CYP51A1: variants seen among roughly 807,000 people sequenced by gnomAD.
The protein encoded by CYP51A1 is lanosterol 14-alpha demethylase.
In CYP51A1, 45 loss-of-function variants were observed where a neutral mutation model predicts 53.5. The ratio of observed to expected loss-of-function variants is 0.84; its 90% CI spans 0.66 to 1.08. CYP51A1 has a LOEUF of 1.08. Ranked by LOEUF, CYP51A1 falls within the 50% of genes least tolerant of loss-of-function variation. The pLI is 0.00. For missense variants in CYP51A1, 462 were observed against 621.7 expected (o/e 0.74, Z 2.73); for synonymous variants, 181 against 217.7 (o/e 0.83, Z 1.48).
chr7:92,113,446 GCAC>G lies in CYP51A1; in HGVS notation c.*216_*218del. On this transcript the variant is annotated 3_prime_UTR_variant, in exon 10 of 10. Coordinates refer to ENST00000003100, the MANE Select transcript of CYP51A1 (RefSeq NM_000786.4). ...TGTTTCACCAAGGAACTTCCTGAAA[GCAC>G]ATGTATAAGTATCATAACTATTAGA... 1 of 448,766 alleles carries G rather than the reference GCAC, an allele frequency of 2.2e-6. No individual in the cohort carries two copies. The highest frequency in any genetic ancestry group is 3.3e-5 in the South Asian group (1 of 29,978). The allele number at this position is 448,766 out of a possible 1,614,324, so 27.8% of individuals were successfully genotyped here. A position where few individuals can be genotyped will look rare whatever the true frequency, so the allele number is the denominator to read the frequency against.
At chr7:92,121,126 C>T (rs1819683550) in intron 7 of CYP51A1, among the ~76,000 whole-genome samples, 1 of 151,934 alleles carries the variant, frequency 6.6e-6, no homozygotes, top group African/African-American at 2.4e-5. Flanking sequence ...CTTGTCTCTA[C>T]CAAAAATACA....
intron 9 of CYP51A1, 86 bp from the exon 10 acceptor site, chr7:92,113,929 G>T: frequency 5.1e-6 from 4 of 785,874 alleles, no homozygotes; most frequent in Non-Finnish European, 8.2e-6. Flanking sequence ...CATTTTAGAT[G>T]AACAGCAAAT....
chr7:92,123,637 G>T (rs1584634257), intron 6 of CYP51A1, 97 bp downstream of exon 6: 1 of 1,174,822 alleles, frequency 8.5e-7, no homozygotes, highest in Non-Finnish European at 1.2e-6. Flanking sequence ...AACTTATTTT[G>T]CCAGCATCAC....
chr7:92,131,363 G>C (rs1394138870), intron 2 of CYP51A1, among the ~76,000 whole-genome samples: 1 of 152,156 alleles, frequency 6.6e-6, no homozygotes. Flanking sequence ...GAGTAGCTAT[G>C]GTGTCATGTG....
Position 92,118,511 on chromosome 7 carries a change from G to C in CYP51A1, c.1182+9C>G, listed in dbSNP as rs755338519. 5 of 1,468,126 alleles carry C rather than the reference G, an allele frequency of 3.4e-6. No individual in the cohort carries two copies. The African/African-American group carries it at 6.9e-5, about 20-fold the overall frequency. 90.9% of individuals were successfully genotyped at this position (1,468,126 alleles called of 1,614,324 possible). A position where few individuals can be genotyped will look rare whatever the true frequency, so the allele number is the denominator to read the frequency against. On this transcript the variant is annotated intron_variant, in intron 8 of 9. Transcript: ENST00000003100. ...GGTATAGAGGGGAAGATGTAGCCAA[G>C]ATACTCACCTGAGGAGTTCTGGCCA...
chr7:92,124,484 T>A (rs1036593354), intron 5 of CYP51A1, among the ~76,000 whole-genome samples: 5 of 152,192 alleles, frequency 3.3e-5, no homozygotes, highest in Non-Finnish European at 7.3e-5. Context: ...GCTAGCTGCA[T>A]AAGATCACAC....
At chr7:92,125,457 T>G (rs1819779914) in intron 5 of CYP51A1, among the ~76,000 whole-genome samples, 1 of 152,178 alleles carries the variant, frequency 6.6e-6, no homozygotes, top group South Asian at 2.1e-4. Context: ...AGCCTACTAA[T>G]ATGCAAAACA....
In CYP51A1 at chr7:92,131,806, G is replaced by T; in HGVS notation, c.259C>A (p.Pro87Thr). 1 of 1,581,434 alleles carries T rather than the reference G, an allele frequency of 6.3e-7. No homozygotes were observed. Among genetic ancestry groups the T allele is most frequent in the Non-Finnish European group, 8.6e-7 (1 of 1,157,994 alleles). The change falls in exon 2 of 10, where the codon CCA becomes ACA. Residue 87 changes from proline (P) to threonine (T), a missense_variant. Pro to Thr is a conservative substitution (Grantham distance 38, BLOSUM62 -1). Coordinates refer to ENST00000003100, the MANE Select transcript of CYP51A1 (RefSeq NM_000786.4). ...LGHAIAFGKS[P>T]IEFLENAYEK... The stretch of plus-strand genomic sequence containing the variant: ...TATGCATTTTCTAGAAATTCAATTG[G>T]ACTTTTCCCAAATGCTATGGCATGC...
In CYP51A1 at chr7:92,116,990, A is replaced by T. The variant is rs1036532458; in HGVS notation, c.1351+54T>A. On this transcript the variant is annotated intron_variant, in intron 9 of 9. Transcript: ENST00000003100. ...AACACAATTCGGAATATTTTGACAG[A>T]GACAAATATGTTATCAGAACAAACA... 4 of 1,490,758 alleles carry T rather than the reference A, an allele frequency of 2.7e-6. No homozygotes were observed. The African/African-American group carries it at 4.2e-5, about 16-fold the overall frequency. The allele number at this position is 1,490,758 out of a possible 1,614,324, so 92.3% of individuals were successfully genotyped here. A position where few individuals can be genotyped will look rare whatever the true frequency, so the allele number is the denominator to read the frequency against.
intron 2 of CYP51A1, among the ~76,000 whole-genome samples, chr7:92,131,441 T>A (rs1819914944): frequency 6.6e-6 from 1 of 152,108 alleles, no homozygotes; most frequent in Admixed American, 6.5e-5. Flanking sequence ...CACAGATGCA[T>A]GGTAAAGAAA....
intron 9 of CYP51A1, 103 bp downstream of exon 9, chr7:92,116,941 G>T: frequency 8.3e-7 from 1 of 1,204,708 alleles, no homozygotes; most frequent in Non-Finnish European, 1.1e-6. Context: ...ATGTCCCTAT[G>T]AGGAAAGGGA....
Position 92,134,278 on chromosome 7 carries a change from G to A in CYP51A1, c.87C>T (p.Gly29=). ...TCAGCAGCATGGACAAGAGGTTGCC[G>A]CCTGTCACCTTCTCCATCGCCTGGC... The part of the protein sequence containing the change: ...VLGQAMEKVT[G]GNLLSMLLIA... Residue 29 remains glycine (G), a synonymous_variant, in exon 1 of 10, where the codon GGC becomes GGT. Coordinates refer to ENST00000003100, the MANE Select transcript of CYP51A1 (RefSeq NM_000786.4). 2 of 1,612,260 alleles carry A rather than the reference G, an allele frequency of 1.2e-6. No homozygotes were observed. The highest frequency in any genetic ancestry group is 2.2e-5 in the East Asian group (1 of 44,788).
intron 8 of CYP51A1, among the ~76,000 whole-genome samples, chr7:92,118,076 G>C (rs2130943658): frequency 6.6e-6 from 1 of 151,600 alleles, no homozygotes; most frequent in Middle Eastern, 3.5e-3. Flanking sequence ...AGATTAGGTA[G>C]AAGTGATTAT....
At position 92,127,568 on chromosome 7, in the gene CYP51A1, C is replaced by T. The variant is rs927164088; in HGVS notation, c.532G>A (p.Val178Ile). 5.6e-6 allele frequency: 9 copies of T among 1,612,486 alleles called. No individual in the cohort carries two copies. Among genetic ancestry groups the T allele is most frequent in the Non-Finnish European group, 7.6e-6 (9 of 1,179,288 alleles). The change falls in exon 4 of 10, where the codon GTT (valine) becomes ATT (isoleucine). Residue 178 changes from valine to isoleucine, a missense_variant. Physicochemically the swap from Val to Ile is conservative, Grantham distance 29. Transcript: ENST00000003100. ...GLNIAHFKQHVSIIEKETKEY... is the reference protein window; with the variant it reads ...GLNIAHFKQHISIIEKETKEY... ...TTTGTTTCTTTTTCAATTATAGAAA[C>T]ATGCTGTTTAAAGTGGGCTATGTTA... is the stretch of plus-strand genomic sequence containing the variant.
rs200696135 is a variant in CYP51A1, at chr7:92,123,760, G to T, written c.864C>A (p.Leu288=). ...TGTATGTAGCATCTAGTAAAGTTTGGAGAATGTCATCAATTTTTTCTTGAG... is the reference window on the plus strand; with the variant it reads ...TGTATGTAGCATCTAGTAAAGTTTGTAGAATGTCATCAATTTTTTCTTGAG... ...RQSQEKIDDI[L]QTLLDATYKD... is the part of the protein sequence containing the mutation. The change falls in exon 6 of 10, where the codon CTC becomes CTA. Residue 288 remains leucine (L), a synonymous_variant. Coordinates refer to ENST00000003100, the MANE Select transcript of CYP51A1 (RefSeq NM_000786.4). 1.2e-6 allele frequency: 2 copies of T among 1,608,326 alleles called. No individual in the cohort carries two copies. The highest frequency in any genetic ancestry group is 1.7e-6 in the Non-Finnish European group (2 of 1,178,310).
chr7:92,115,033 C>G (rs1819556175), intron 9 of CYP51A1, among the ~76,000 whole-genome samples: 1 of 152,084 alleles, frequency 6.6e-6, no homozygotes, highest in South Asian at 2.1e-4. Flanking sequence ...GAAGAATAGT[C>G]CAAGGATTTA....
chr7:92,126,292 G>C lies in CYP51A1; in HGVS notation c.731C>G (p.Ala244Gly), dbSNP rs1281027698. The change falls in exon 5 of 10, where the codon GCC (alanine) becomes GGC (glycine). Residue 244 changes from alanine (A) to glycine (G), a missense_variant. Coordinates refer to ENST00000003100, the MANE Select transcript of CYP51A1 (RefSeq NM_000786.4). ...AGGCAGCCAACCTGGTAAGAGCCAG[G>C]CTGCATGGCTGAAACCTCCATCCAA... ...ADLDGGFSHAAWLLPGWLPLP... is the reference protein window; with the variant it reads ...ADLDGGFSHAGWLLPGWLPLP... The C allele has an allele frequency of 6.2e-7, 1 of 1,610,660 alleles. No homozygotes were observed. Among genetic ancestry groups the C allele is most frequent in the Non-Finnish European group, 8.5e-7 (1 of 1,179,366 alleles).
intron 2 of CYP51A1, among the ~76,000 whole-genome samples, chr7:92,131,489 G>A (rs1239173974): frequency 6.6e-6 from 1 of 152,208 alleles, no homozygotes; most frequent in Non-Finnish European, 1.5e-5. Context: ...ATGACAATAA[G>A]TGAATAGAAA....
At chr7:92,121,318 T>C (rs1249264700) in intron 7 of CYP51A1, among the ~76,000 whole-genome samples, 1 of 151,282 alleles carries the variant, frequency 6.6e-6, no homozygotes, top group East Asian at 1.9e-4. Flanking sequence ...ACACCTATTA[T>C]AATAAAAAAA....
Sources: gnomAD v4.1 joint callset for allele counts (sites outside exome capture counted in the v4.1 genomes callset) on GRCh38, gnomAD v4.1.1 for gene constraint, MANE v1.5 for transcripts, NCBI Gene and HGNC (gene_info 2026-07-23, HGNC 2026-07-21) for gene names.